GLIS3: variants seen among roughly 807,000 people sequenced by gnomAD.
GLIS3 encodes GLIS family zinc finger 3, also known as zinc finger protein GLIS3.
In GLIS3, 53 loss-of-function variants were observed where a neutral mutation model predicts 78.6. The observed-to-expected ratio is 0.67, with a 90% confidence interval of 0.54 to 0.85. The LOEUF is 0.85. Among genes scored for constraint, GLIS3 ranks in the 40% least tolerant of loss-of-function variants. The pLI, the probability that GLIS3 is intolerant of heterozygous loss-of-function variation, is 0.00. For synonymous variants in GLIS3, 684 were observed against 509.9 expected (o/e 1.34, Z -4.60); for missense variants, 1,703 against 1,231.1 (o/e 1.38, Z -5.74).
the GLIS3 span, among the ~76,000 whole-genome samples, chr9:4,355,616 C>T: frequency 2.6e-5 from 4 of 152,152 alleles, no homozygotes; most frequent in East Asian, 1.9e-4. Context: ...CAAAGACAAG[C>T]TTTATCACCT....
the GLIS3 span, among the ~76,000 whole-genome samples, chr9:4,420,352 T>C: frequency 4.6e-5 from 7 of 152,280 alleles, no homozygotes; most frequent in East Asian, 1.2e-3. Context: ...ACCTTGAGTA[T>C]CTTATCTGAG....
chr9:4,266,339 G>A (rs1024521913), intron 2 of GLIS3, among the ~76,000 whole-genome samples: 10 of 152,038 alleles, frequency 6.6e-5, no homozygotes, highest in Non-Finnish European at 1.5e-4. Context: ...TGGATGAAGT[G>A]CCTCCAATGG....
At chr9:4,055,361 T>G (rs181654045) in intron 4 of GLIS3, among the ~76,000 whole-genome samples, 44 of 152,326 alleles carry the variant, frequency 2.9e-4, no homozygotes, top group African/African-American at 9.9e-4. Context: ...TCCCTGTTCC[T>G]GATCCTATTT....
At chr9:4,324,459 T>A (rs1480334180) in intron 2 of GLIS3, among the ~76,000 whole-genome samples, 2 of 152,084 alleles carry the variant, frequency 1.3e-5, no homozygotes, top group African/African-American at 2.4e-5. Flanking sequence ...GAGAACCATA[T>A]GAGATAAAAC....
chr9:3,833,445 T>G (rs1467144329), intron 9 of GLIS3, among the ~76,000 whole-genome samples: 1 of 152,212 alleles, frequency 6.6e-6, no homozygotes, highest in African/African-American at 2.4e-5. Flanking sequence ...TTCCAGCGGT[T>G]GGATTTCACA....
chr9:4,333,918 T>C (rs1817718958), intron 2 of GLIS3, among the ~76,000 whole-genome samples: 2 of 152,186 alleles, frequency 1.3e-5, no homozygotes, highest in Non-Finnish European at 2.9e-5. Context: ...ATTTCTTGGA[T>C]TCCTTAAATC....
chr9:4,481,222 G>C, the GLIS3 span, among the ~76,000 whole-genome samples: 18 of 152,184 alleles, frequency 1.2e-4, no homozygotes, highest in African/African-American at 4.3e-4. Context: ...GGTGGCTCAT[G>C]CCTGTAATCC....
chr9:4,038,586 A>T (rs996464694), intron 4 of GLIS3, among the ~76,000 whole-genome samples: 3 of 152,200 alleles, frequency 2.0e-5, no homozygotes. Context: ...TTTCCCAGGC[A>T]TGTCTCTTTA....
intron 9 of GLIS3, among the ~76,000 whole-genome samples, chr9:3,833,105 T>A (rs1191557724): frequency 6.6e-6 from 1 of 152,198 alleles, no homozygotes; most frequent in African/African-American, 2.4e-5. Context: ...CATCTCCTAG[T>A]CTGGATCTGA....
chr9:3,932,171 C>G lies in GLIS3; in HGVS notation c.1983+189G>C, dbSNP rs948753537. On this transcript the variant is annotated intron_variant, in intron 6 of 10. Transcript: ENST00000381971. ...CCATAGCCATATCAGCTATGCAAAC[C>G]ATAGCCATATCAGCTATGCAAACCA... 1.9e-4 allele frequency among the ~76,000 whole-genome samples: 29 copies of G among 152,112 alleles called. No individual in the cohort carries two copies. The East Asian group carries it at 3.1e-3, about 16-fold the overall frequency.
chr9:3,888,899 A>C (rs1032164308), intron 7 of GLIS3, among the ~76,000 whole-genome samples: 3 of 152,304 alleles, frequency 2.0e-5, no homozygotes, highest in Non-Finnish European at 4.4e-5. Flanking sequence ...ATCCATTTCA[A>C]ACATCCTTGT....
chr9:4,473,891 T>C, the GLIS3 span, among the ~76,000 whole-genome samples: 2 of 152,140 alleles, frequency 1.3e-5, no homozygotes, highest in Non-Finnish European at 2.9e-5. Context: ...AAGACCTGTA[T>C]GTAGAAAACT....
chr9:4,356,054 A>C, the GLIS3 span, among the ~76,000 whole-genome samples: 1 of 152,216 alleles, frequency 6.6e-6, no homozygotes, highest in Non-Finnish European at 1.5e-5. Context: ...TTCCAGCCCC[A>C]GCTCTAACAC....
rs181673704 is a variant in GLIS3, at chr9:4,186,097, A to C, written c.389-60156T>G. On this transcript the variant is annotated intron_variant, in intron 2 of 10. Coordinates refer to ENST00000381971, the MANE Select transcript of GLIS3 (RefSeq NM_001042413.2). ...CATGTGCCATGCTGGTGTGCTGCAC[A>C]CATTAACTCGTCATTTAGCATTAGG... 6.5e-3 allele frequency among the ~76,000 whole-genome samples: 993 copies of C among 151,658 alleles called. 9 individuals are homozygous for C. The highest frequency in any genetic ancestry group is 0.022 in the African/African-American group (913 of 41,264).
chr9:4,220,624 G>A (rs1821245888), intron 2 of GLIS3, among the ~76,000 whole-genome samples: 1 of 152,182 alleles, frequency 6.6e-6, no homozygotes, highest in East Asian at 1.9e-4. Context: ...TGGGCATACT[G>A]AGGCATGTCT....
intron 4 of GLIS3, among the ~76,000 whole-genome samples, chr9:4,094,775 ATGGCTTAT>A (rs1330137352): frequency 6.6e-6 from 1 of 152,218 alleles, no homozygotes; most frequent in Admixed American, 6.5e-5. Flanking sequence ...CTTAGATCCG[ATGGCTTAT>A]TTTAATGTAG....
the GLIS3 span, among the ~76,000 whole-genome samples, chr9:4,459,597 C>G: frequency 6.6e-6 from 1 of 152,116 alleles, no homozygotes; most frequent in African/African-American, 2.4e-5. Flanking sequence ...GACCTCATCA[C>G]TAGAAAAAAT....
At chr9:4,457,284 C>G in the GLIS3 span, among the ~76,000 whole-genome samples, 3 of 151,874 alleles carry the variant, frequency 2.0e-5, no homozygotes, top group African/African-American at 7.3e-5. Context: ...TCATTTGAGC[C>G]CAGCAAGTCA....
At chr9:4,274,320 T>C (rs1465227149) in intron 2 of GLIS3, among the ~76,000 whole-genome samples, 1 of 152,146 alleles carries the variant, frequency 6.6e-6, no homozygotes, top group African/African-American at 2.4e-5. Context: ...GCTTTTTCCT[T>C]TCTTCTTAGG....
Sources: allele counts gnomAD v4.1 joint callset (sites outside exome capture counted in the v4.1 genomes callset), GRCh38; gene constraint gnomAD v4.1.1; transcripts MANE v1.5; gene names NCBI Gene and HGNC (gene_info 2026-07-23, HGNC 2026-07-21).